The following UBA3 variants were observed in gnomAD, a reference collection of about 807,000 sequenced individuals.
UBA3 encodes the protein ubiquitin like modifier activating enzyme 3.
A neutral mutation model predicts 73.5 loss-of-function variants in UBA3; 26 were observed. That is an observed-to-expected ratio of 0.35 (90% CI 0.26 to 0.49). UBA3 has a LOEUF of 0.49. UBA3 is among the 20% of genes least tolerant of loss of function. UBA3 has a pLI of 0.98. For synonymous variants in UBA3, 217 were observed against 191.2 expected (o/e 1.13, Z -1.11); for missense variants, 495 against 555.6 (o/e 0.89, Z 1.10).
Position 69,063,453 on chromosome 3 carries a change from T to C in UBA3, c.523A>G (p.Ile175Val), listed in dbSNP as rs375804302. ...GLDSIIARRW[I>V]NGMLISLLNY... Reference sequence around the variant, plus strand: ...AAAGTCTTTACCAGCATGCCATTTATCCATCTTCTGGCGATGATAGAGTCC... The same window carrying C: ...AAAGTCTTTACCAGCATGCCATTTACCCATCTTCTGGCGATGATAGAGTCC... The change falls in exon 8 of 18, where the codon ATA becomes GTA. Residue 175 changes from isoleucine to valine, a missense_variant. Coordinates refer to ENST00000361055, the MANE Select transcript of UBA3 (RefSeq NM_003968.4). 5.0e-6 allele frequency: 8 copies of C among 1,587,646 alleles called. No homozygotes were observed. In the African/African-American group the frequency reaches 8.2e-5, roughly 16 times the overall value.
rs113054348 is a variant in UBA3, at chr3:69,070,835, G to A, written c.347+700C>T. Among the ~76,000 whole-genome samples the A allele has an allele frequency of 4.6e-3, 701 of 151,976 alleles. 7 individuals carry two copies. The highest frequency in any genetic ancestry group is 0.016 in the African/African-American group (662 of 41,428). On this transcript the variant is annotated intron_variant, in intron 5 of 17. Coordinates refer to ENST00000361055, the MANE Select transcript of UBA3 (RefSeq NM_003968.4). ...AATTTTTTAATTTTTTTGTAGAGAC[G>A]AAATCTCCCTTTGTTGCCCAGGCTG...
At chr3:69,068,685 C>G (rs1452099736) in intron 5 of UBA3, among the ~76,000 whole-genome samples, 1 of 152,062 alleles carries the variant, frequency 6.6e-6, no homozygotes, top group Non-Finnish European at 1.5e-5. Context: ...CAGGTTCAAG[C>G]AATTCTCATG....
At chr3:69,063,165 AG>A (rs2092037947) in intron 8 of UBA3, 28 bp from the exon 9 acceptor site, 2 of 1,611,508 alleles carry the variant, frequency 1.2e-6, no homozygotes, top group Non-Finnish European at 1.7e-6. Context: ...AGGGCTTTAA[AG>A]GAGAAGGGGA....
intron 11 of UBA3, among the ~76,000 whole-genome samples, chr3:69,058,168 G>C (rs893895823): frequency 6.6e-6 from 1 of 152,022 alleles, no homozygotes; most frequent in African/African-American, 2.4e-5. Context: ...CTGACCTTGT[G>C]ATCCGCCCGC....
intron 2 of UBA3, 134 bp from the exon 3 acceptor site, chr3:69,078,052 ATTATGT>A (rs1205493762): frequency 8.5e-7 from 1 of 1,181,138 alleles, no homozygotes; most frequent in Non-Finnish European, 1.1e-6. Flanking sequence ...ATTCAATGTG[ATTATGT>A]TTATGCTTTG....
chr3:69,072,749 A>T (rs1402583386), intron 4 of UBA3, among the ~76,000 whole-genome samples: 1 of 152,156 alleles, frequency 6.6e-6, no homozygotes, highest in Admixed American at 6.5e-5. Context: ...TCCAAAACCA[A>T]ACTTGATCAC....
At chr3:69,070,595 G>C (rs2092113278) in intron 5 of UBA3, among the ~76,000 whole-genome samples, 2 of 152,094 alleles carry the variant, frequency 1.3e-5, no homozygotes, top group Admixed American at 1.3e-4. Context: ...CTAAATTCAT[G>C]AATGAACATT....
At chr3:69,066,287 C>T (rs574536834) in intron 6 of UBA3, among the ~76,000 whole-genome samples, 1 of 152,198 alleles carries the variant, frequency 6.6e-6, no homozygotes, top group Admixed American at 6.5e-5. Context: ...CCACCTTAGC[C>T]TCCCAAGCAG....
In UBA3 at chr3:69,055,397, A is replaced by G. The variant is rs1195089306; in HGVS notation, c.*40T>C. On this transcript the variant is annotated 3_prime_UTR_variant, in exon 18 of 18. Transcript: ENST00000361055. ...TTCAACTTCTTAGCATCCACAAAGT[A>G]TATTATTTCCATGAGTTTTCTATTA... The G allele has an allele frequency of 7.6e-6, 10 of 1,308,842 alleles. No homozygotes were observed. The highest frequency in any genetic ancestry group is 1.0e-5 in the Non-Finnish European group (10 of 972,074). 81.1% of individuals were successfully genotyped at this position (1,308,842 alleles called of 1,614,324 possible). A position where few individuals can be genotyped will look rare whatever the true frequency, so the allele number is the denominator to read the frequency against.
rs768804177 is a variant in UBA3 at position 69,055,885 on chromosome 3, T to G, written c.1269A>C (p.Glu423Asp). 1 of 1,612,926 alleles carries G rather than the reference T, an allele frequency of 6.2e-7. No individual in the cohort carries two copies. Among genetic ancestry groups the G allele is most frequent in the South Asian group, 1.1e-5 (1 of 90,964 alleles). ...LYLQSVTSIEERTRPNLSKTL... is the reference protein window; with the variant it reads ...LYLQSVTSIEDRTRPNLSKTL... ...TTTTGGAGAGATTTGGCCTTGTTCG[T>G]TCTTCAATAGAGGTTACCGACTAGA... Residue 423 changes from glutamate to aspartate, a missense_variant, in exon 17 of 18, where the codon GAA (glutamate) becomes GAC (aspartate). Transcript: ENST00000361055.
At chr3:69,064,150 A>G (rs1028435577) in intron 6 of UBA3, 39 bp from the exon 7 acceptor site, 1 of 1,532,390 alleles carries the variant, frequency 6.5e-7, no homozygotes, top group African/African-American at 1.4e-5. Context: ...CTAAGTTTTA[A>G]TTTCTAAAAT....
At position 69,062,158 on chromosome 3, in the gene UBA3, T is replaced by C. The variant is rs762371783; in HGVS notation, c.715A>G (p.Ile239Val). The change falls in exon 10 of 18, where the codon ATT becomes GTT. Residue 239 changes from isoleucine to valine, a missense_variant. Coordinates refer to ENST00000361055, the MANE Select transcript of UBA3 (RefSeq NM_003968.4). ...TCTGGTAGCCTGGGCATAGATGCAA[T>C]GGTGCACATGGGAAAATTAACCTAA... ...PPQVNFPMCT[I>V]ASMPRLPEHC... The C allele has an allele frequency of 3.8e-5, 62 of 1,612,548 alleles. 2 individuals are homozygous for C. In the South Asian group the frequency reaches 5.7e-4, roughly 15 times the overall value.
intron 4 of UBA3, among the ~76,000 whole-genome samples, chr3:69,073,163 T>A (rs2092135798): frequency 6.6e-6 from 1 of 152,184 alleles, no homozygotes; most frequent in South Asian, 2.1e-4. Flanking sequence ...CTCCAATGAC[T>A]TCATGACTCA....
chr3:69,059,222 A>G (rs1353241986), intron 11 of UBA3, among the ~76,000 whole-genome samples: 1 of 152,216 alleles, frequency 6.6e-6, no homozygotes, highest in African/African-American at 2.4e-5. Flanking sequence ...GCAGTCCATT[A>G]GAGAGAATGG....
chr3:69,077,260 T>C (rs2092175900), intron 3 of UBA3: 1 of 152,012 alleles, frequency 6.6e-6, no homozygotes, highest in African/African-American at 2.4e-5. Context: ...TTTTTATAAA[T>C]ACAAAAGCAC....
chr3:69,056,559 T>C (rs2091975647), intron 14 of UBA3, 53 bp downstream of exon 14: 1 of 1,453,616 alleles, frequency 6.9e-7, no homozygotes, highest in Non-Finnish European at 9.5e-7. Flanking sequence ...TAACCAATAA[T>C]ATTTAAAAAT....
At chr3:69,068,555 A>C (rs2107493344) in intron 5 of UBA3, among the ~76,000 whole-genome samples, 1 of 151,988 alleles carries the variant, frequency 6.6e-6, no homozygotes, top group African/African-American at 2.4e-5. Context: ...GAAAAAAAAA[A>C]AAAAAAGAGG....
intron 10 of UBA3, 45 bp from the exon 11 acceptor site, chr3:69,061,972 A>G: frequency 6.8e-7 from 1 of 1,462,476 alleles, no homozygotes; most frequent in East Asian, 2.3e-5. Context: ...AGAAGACAGG[A>G]ATACGTAATC....
In UBA3 at chr3:69,062,276, T is replaced by A. The variant is rs1011151886; in HGVS notation, c.694-97A>T. 40 of 808,028 alleles carry A rather than the reference T, an allele frequency of 5.0e-5. No homozygotes were observed. In the South Asian group the frequency reaches 6.0e-4, roughly 12 times the overall value. 50.1% of individuals were successfully genotyped at this position (808,028 alleles called of 1,614,324 possible). A position where few individuals can be genotyped will look rare whatever the true frequency, so the allele number is the denominator to read the frequency against. ...CTAGTTCTTAACAATTTCATACAAT[T>A]TGTTTCAACTCAAAATATTGTATAC... On this transcript the variant is annotated intron_variant, in intron 9 of 17. Coordinates refer to ENST00000361055, the MANE Select transcript of UBA3 (RefSeq NM_003968.4).
Sources: allele counts gnomAD v4.1 joint callset (sites outside exome capture counted in the v4.1 genomes callset), GRCh38; gene constraint gnomAD v4.1.1; transcripts MANE v1.5; gene names NCBI Gene and HGNC (gene_info 2026-07-23, HGNC 2026-07-21).